MICAL3: variants seen among roughly 807,000 people sequenced by gnomAD.
The protein encoded by MICAL3 is [F-actin]-monooxygenase MICAL3.
A neutral mutation model predicts 207.4 loss-of-function variants in MICAL3; 62 were observed. The observed-to-expected ratio is 0.30, with a 90% CI of 0.24 to 0.37. The LOEUF (loss-of-function observed/expected upper bound fraction) is 0.37. Ranked by LOEUF, MICAL3 falls within the 10% of genes least tolerant of loss-of-function variation. MICAL3 has a pLI of 1.00. For synonymous variants in MICAL3, 1,077 were observed against 1,069.3 expected (o/e 1.01, Z -0.14); for missense variants, 2,368 against 2,635.6 (o/e 0.90, Z 2.22).
intron 7 of MICAL3, among the ~76,000 whole-genome samples, chr22:17,897,746 G>A (rs989800052): frequency 9.2e-5 from 14 of 152,202 alleles, no homozygotes; most frequent in Non-Finnish European, 1.9e-4. Flanking sequence ...AAGACATGGA[G>A]GTGGGAGCAA....
chr22:17,904,600 T>C (rs751992942), intron 3 of MICAL3, 32 bp downstream of exon 3: 2 of 1,533,918 alleles, frequency 1.3e-6, no homozygotes, highest in Admixed American at 1.7e-5. Context: ...AGGGGTAGGG[T>C]GGAATCTTAC....
intron 1 of MICAL3, among the ~76,000 whole-genome samples, chr22:17,994,857 C>CTCTCCTGCCAGAGTTAACCAGACCGAA (rs1159961691): frequency 3.9e-5 from 6 of 152,242 alleles, no homozygotes; most frequent in Non-Finnish European, 5.9e-5. Context: ...CTGTCCATCC[C>CTCTCCTGCCAGAGTTAACCAGACCGAA]TCTCCTGCCA....
At chr22:17,991,005 T>C (rs559285462) in intron 1 of MICAL3, among the ~76,000 whole-genome samples, 1 of 152,240 alleles carries the variant, frequency 6.6e-6, no homozygotes, top group South Asian at 2.1e-4. Flanking sequence ...AGACAAGCAT[T>C]AAAGGAAAGC....
chr22:17,913,213 A>C (rs1406317663), intron 1 of MICAL3, among the ~76,000 whole-genome samples: 1 of 151,870 alleles, frequency 6.6e-6, no homozygotes, highest in Non-Finnish European at 1.5e-5. Flanking sequence ...TGCTCCTGCC[A>C]CTCTGCAAGG....
At chr22:17,933,507 C>A (rs1385870151) in intron 1 of MICAL3, among the ~76,000 whole-genome samples, 2 of 152,084 alleles carry the variant, frequency 1.3e-5, no homozygotes, top group Non-Finnish European at 2.9e-5. Flanking sequence ...TAAATGCCCA[C>A]AAGAGAAAGC....
At chr22:17,876,175 T>C (rs1928314857) in intron 16 of MICAL3, among the ~76,000 whole-genome samples, 1 of 152,214 alleles carries the variant, frequency 6.6e-6, no homozygotes, top group East Asian at 1.9e-4. Flanking sequence ...AGACTGCACA[T>C]AGCACACGTA....
intron 23 of MICAL3, 36 bp downstream of exon 23, chr22:17,822,911 G>A (rs745341007): frequency 1.4e-6 from 2 of 1,397,842 alleles, no homozygotes; most frequent in South Asian, 2.3e-5. Context: ...TCTTCCCTGA[G>A]CTCCCACCAC....
At chr22:17,803,870 A>G in intron 29 of MICAL3, 1 of 985,276 alleles carries the variant, frequency 1.0e-6, no homozygotes, top group Non-Finnish European at 1.2e-6. Context: ...GTCTACAACA[A>G]GGAATCGGTG....
At chr22:17,923,448 G>A (rs990508927) in intron 1 of MICAL3, among the ~76,000 whole-genome samples, 2 of 152,120 alleles carry the variant, frequency 1.3e-5, no homozygotes, top group South Asian at 2.1e-4. Context: ...ACTCAATTCA[G>A]CACCAATAAG....
chr22:17,889,085 T>A lies in MICAL3; in HGVS notation c.1840A>T (p.Met614Leu), dbSNP rs377734352. The A allele has an allele frequency of 2.0e-5, 33 of 1,613,400 alleles. No individual in the cohort carries two copies. In the African/African-American group the frequency reaches 4.4e-4, roughly 22 times the overall value. ...ATCTCGTAGAACTGAGTCAGGTACA[T>A]CACCATGGACAGCTTATCAGGCTCC... ...VGEPDKLSMV[M>L]YLTQFYEMFK... is the part of the protein sequence containing the mutation. The change falls in exon 13 of 32, where the codon ATG becomes TTG. Residue 614 changes from methionine to leucine, a missense_variant. By Grantham distance (15) the Met-to-Leu change is conservative. This residue lies in a region of MICAL3 where 1,770 missense variants were observed against 1,863.2 expected (regional missense o/e 0.95). Coordinates refer to ENST00000441493, the MANE Select transcript of MICAL3 (RefSeq NM_015241.3).
chr22:17,947,638 A>C (rs1451949220), intron 1 of MICAL3, among the ~76,000 whole-genome samples: 1 of 152,166 alleles, frequency 6.6e-6, no homozygotes, highest in Non-Finnish European at 1.5e-5. Context: ...GCTCACTGTT[A>C]ACCTCCAACT....
At chr22:17,866,727 A>G (rs563829387) in intron 17 of MICAL3, among the ~76,000 whole-genome samples, 1 of 152,262 alleles carries the variant, frequency 6.6e-6, no homozygotes, top group East Asian at 1.9e-4. Flanking sequence ...ATAAAACGTT[A>G]TTTCTTGGAA....
At position 17,902,064 on chromosome 22, in the gene MICAL3, A is replaced by C; in HGVS notation, c.590-85T>G. The C allele has an allele frequency of 1.1e-6, 1 of 935,886 alleles. No homozygotes were observed. The highest frequency in any genetic ancestry group is 1.6e-6 in the Non-Finnish European group (1 of 611,256). 58.0% of individuals were successfully genotyped at this position (935,886 alleles called of 1,614,324 possible). A position where few individuals can be genotyped will look rare whatever the true frequency, so the allele number is the denominator to read the frequency against. ...CATCTCTAGATACCCAGTCATGTGA[A>C]CTGCACAAAACCCTGGGCCAAAAAC... is the stretch of plus-strand genomic sequence containing the variant. On this transcript the variant is annotated intron_variant, in intron 4 of 31. Transcript: ENST00000441493. This position sits in a 1 kb window ranked among gnomAD's most constrained non-coding sequence, Gnocchi z 4.5.
At chr22:17,980,037 C>T (rs541342392) in intron 1 of MICAL3, among the ~76,000 whole-genome samples, 2 of 152,264 alleles carry the variant, frequency 1.3e-5, no homozygotes, top group African/African-American at 4.8e-5. Flanking sequence ...TTATATTGTC[C>T]AGACTGGTCT....
intron 21 of MICAL3, among the ~76,000 whole-genome samples, chr22:17,828,582 T>A (rs997157488): frequency 7.2e-5 from 11 of 152,230 alleles, no homozygotes; most frequent in African/African-American, 2.7e-4. Flanking sequence ...CCAACAGCTC[T>A]CTGAGGTCAA....
Position 17,902,060 on chromosome 22 carries a change from G to A in MICAL3, c.590-81C>T. On this transcript the variant is annotated intron_variant, in intron 4 of 31. Transcript: ENST00000441493. This position sits in a 1 kb window ranked among gnomAD's most constrained non-coding sequence, Gnocchi z 4.5. ...GGACCATCTCTAGATACCCAGTCAT[G>A]TGAACTGCACAAAACCCTGGGCCAA... 1 of 989,512 alleles carries A rather than the reference G, an allele frequency of 1.0e-6. No individual in the cohort carries two copies. Among genetic ancestry groups the A allele is most frequent in the Non-Finnish European group, 1.5e-6 (1 of 653,184 alleles). 61.3% of individuals were successfully genotyped at this position (989,512 alleles called of 1,614,324 possible).
intron 1 of MICAL3, chr22:18,020,318 T>A (rs1924381241): frequency 6.6e-6 from 1 of 151,712 alleles, no homozygotes. Context: ...GAAAGATATA[T>A]TTTGGGTCAG....
intron 20 of MICAL3, among the ~76,000 whole-genome samples, chr22:17,839,204 C>G (rs930779546): frequency 2.0e-5 from 3 of 151,518 alleles, no homozygotes; most frequent in African/African-American, 7.3e-5. Flanking sequence ...CTGCTTTGGC[C>G]TCCCGGAGTA....
At chr22:17,958,502 C>T (rs993952793) in intron 1 of MICAL3, among the ~76,000 whole-genome samples, 5 of 152,258 alleles carry the variant, frequency 3.3e-5, no homozygotes, top group East Asian at 1.9e-4. Context: ...CACCCTCATC[C>T]CCCGTTAAAG....
Sources: gnomAD v4.1 joint callset for allele counts (sites outside exome capture counted in the v4.1 genomes callset) on GRCh38, gnomAD v4.1.1 for gene constraint, gnomAD v4.1.1 regional missense constraint, Gnocchi (gnomAD v3.1) non-coding constraint, MANE v1.5 for transcripts, NCBI Gene and HGNC (gene_info 2026-07-23, HGNC 2026-07-21) for gene names.